Variants in ST7 observed in about 807,000 individuals in gnomAD.
ST7 encodes the protein suppressor of tumorigenicity 7 protein.
In ST7, 28 loss-of-function variants were observed where a neutral mutation model predicts 78.7. That is an observed-to-expected ratio of 0.36 (90% CI 0.26 to 0.49). The LOEUF is 0.49. Ranked by LOEUF, ST7 falls within the 20% of genes least tolerant of loss-of-function variation. ST7 has a pLI of 0.99. For missense variants in ST7, 418 were observed against 696.0 expected (o/e 0.60, Z 4.49); for synonymous variants, 247 against 249.6 (o/e 0.99, Z 0.10).
At chr7:117,189,047 A>T (rs1466122765) in intron 10 of ST7, among the ~76,000 whole-genome samples, 2 of 152,202 alleles carry the variant, frequency 1.3e-5, no homozygotes, top group African/African-American at 2.4e-5. Context: ...CTTAAACTCA[A>T]CATATGAAAA....
At chr7:117,046,381 A>G (rs1400325769) in intron 1 of ST7, among the ~76,000 whole-genome samples, 1 of 152,008 alleles carries the variant, frequency 6.6e-6, no homozygotes, top group Non-Finnish European at 1.5e-5. Flanking sequence ...GCAGTTTCAC[A>G]CCTCTGCAAA....
chr7:117,105,020 G>A (rs530148715), intron 2 of ST7, among the ~76,000 whole-genome samples: 26 of 152,098 alleles, frequency 1.7e-4, no homozygotes, highest in Non-Finnish European at 3.2e-4. Context: ...GGGGAAAAGA[G>A]GAATTTTCTT....
intron 1 of ST7, among the ~76,000 whole-genome samples, chr7:116,987,798 A>T (rs950249049): frequency 6.6e-6 from 1 of 152,138 alleles, no homozygotes; most frequent in Non-Finnish European, 1.5e-5. Flanking sequence ...ATCTCGGCTC[A>T]CTGCAACCTT....
At chr7:117,085,858 G>T (rs1275340190) in intron 1 of ST7, among the ~76,000 whole-genome samples, 1 of 152,020 alleles carries the variant, frequency 6.6e-6, no homozygotes, top group Non-Finnish European at 1.5e-5. Flanking sequence ...CTTACTAAGA[G>T]CTTTTATAAA....
intron 6 of ST7, 79 bp downstream of exon 6, chr7:117,132,039 CTTAAA>C (rs994806012): frequency 8.9e-6 from 12 of 1,350,334 alleles, no homozygotes; most frequent in African/African-American, 4.4e-5. Context: ...TGATAGGATA[CTTAAA>C]TTAAACTGCA....
chr7:117,013,561 C>CT (rs1235938929), intron 1 of ST7, among the ~76,000 whole-genome samples: 3 of 152,324 alleles, frequency 2.0e-5, no homozygotes, highest in African/African-American at 7.2e-5. Context: ...GGCGAGGTGG[C>CT]TCACGCCTGT....
chr7:117,152,257 C>A (rs1432581574), intron 9 of ST7, among the ~76,000 whole-genome samples: 1 of 129,866 alleles, frequency 7.7e-6, no homozygotes, highest in Non-Finnish European at 1.6e-5. Context: ...TTAGTGAACA[C>A]CTCTCTGATT....
intron 1 of ST7, chr7:117,022,912 C>T (rs1795997585): frequency 6.6e-6 from 1 of 152,150 alleles, no homozygotes; most frequent in Admixed American, 6.5e-5. Context: ...GAACTCTACT[C>T]AGCTCAAAAT....
intron 15 of ST7, among the ~76,000 whole-genome samples, chr7:117,224,415 A>G (rs529488174): frequency 6.6e-6 from 1 of 152,256 alleles, no homozygotes; most frequent in South Asian, 2.1e-4. Flanking sequence ...GGCCTACACT[A>G]CTTGTTATTT....
chr7:117,087,653 T>C (rs942191690), intron 1 of ST7, among the ~76,000 whole-genome samples: 2 of 152,242 alleles, frequency 1.3e-5, no homozygotes, highest in Non-Finnish European at 2.9e-5. Flanking sequence ...CTCTCCTCTT[T>C]ACTGCCAGAC....
chr7:117,099,810 C>T lies in ST7; in HGVS notation c.200C>T (p.Thr67Ile). 6.2e-7 allele frequency: 1 copy of T among 1,613,712 alleles called. No homozygotes were observed. Among genetic ancestry groups the T allele is most frequent in the Non-Finnish European group, 8.5e-7 (1 of 1,179,836 alleles). The change falls in exon 2 of 16, where the codon ACA becomes ATA. Residue 67 changes from threonine (T) to isoleucine (I), a missense_variant. By Grantham distance (89) the Thr-to-Ile change is moderately conservative. This residue lies in a region of ST7 where 23 missense variants were observed against 67.7 expected (regional missense o/e 0.34). Coordinates refer to ENST00000323984, the MANE Select transcript of ST7 (RefSeq NM_001369598.1). ...ACACCGAAGTTCTACGTGGCCCTAACAGGCACTTCCTCACTAATATCAGGG... is the reference window on the plus strand; with the variant it reads ...ACACCGAAGTTCTACGTGGCCCTAATAGGCACTTCCTCACTAATATCAGGG... ...TLTPKFYVAL[T>I]GTSSLISGLI... is the part of the protein sequence containing the mutation.
At chr7:117,073,528 C>T (rs1799127339) in intron 1 of ST7, among the ~76,000 whole-genome samples, 1 of 152,146 alleles carries the variant, frequency 6.6e-6, no homozygotes, top group African/African-American at 2.4e-5. Context: ...TCTGGTACTC[C>T]TGAAAAGAGG....
intron 2 of ST7, among the ~76,000 whole-genome samples, chr7:117,104,623 T>A (rs75169743): frequency 6.6e-6 from 1 of 152,132 alleles, no homozygotes. Flanking sequence ...TGGATATATA[T>A]CCAAAAGAAA....
chr7:117,029,107 T>C (rs1796344757), intron 1 of ST7, among the ~76,000 whole-genome samples: 2 of 152,230 alleles, frequency 1.3e-5, no homozygotes, highest in African/African-American at 4.8e-5. Context: ...TATTTCTTTA[T>C]GTGGACATAT....
chr7:117,217,828 C>T (rs766372592), intron 13 of ST7, among the ~76,000 whole-genome samples: 2 of 152,170 alleles, frequency 1.3e-5, no homozygotes, highest in African/African-American at 2.4e-5. Context: ...TTATATTCTC[C>T]GTGGCAATGT....
At chr7:117,065,500 C>T (rs914183496) in intron 1 of ST7, among the ~76,000 whole-genome samples, 3 of 152,182 alleles carry the variant, frequency 2.0e-5, no homozygotes, top group African/African-American at 4.8e-5. Context: ...TGAGCCACTG[C>T]GCCCGGCCTG....
At chr7:117,079,316 C>T (rs1229096872) in intron 1 of ST7, among the ~76,000 whole-genome samples, 1 of 152,098 alleles carries the variant, frequency 6.6e-6, no homozygotes, top group Non-Finnish European at 1.5e-5. Flanking sequence ...GCATCCTCTG[C>T]TTTTGGGGTC....
intron 9 of ST7, among the ~76,000 whole-genome samples, chr7:117,158,151 A>T (rs1015976442): frequency 4.3e-4 from 66 of 152,274 alleles, no homozygotes; most frequent in African/African-American, 1.6e-3. Context: ...AGATGTCTTA[A>T]AGTTAGGTAA....
chr7:116,985,964 C>T (rs1354211331), intron 1 of ST7, among the ~76,000 whole-genome samples: 2 of 152,190 alleles, frequency 1.3e-5, no homozygotes, highest in Non-Finnish European at 2.9e-5. Context: ...TCGCAAGTAG[C>T]TGGGATTACA....
Sources: allele counts gnomAD v4.1 joint callset (sites outside exome capture counted in the v4.1 genomes callset), GRCh38; gene constraint gnomAD v4.1.1; regional missense constraint gnomAD v4.1.1; transcripts MANE v1.5; gene names NCBI Gene and HGNC (gene_info 2026-07-23, HGNC 2026-07-21).